The following TBXT variants were observed in gnomAD, a reference collection of about 807,000 sequenced individuals.
TBXT encodes the protein T brachyury transcription factor.
Under a neutral mutation model 41.1 loss-of-function variants are expected in TBXT, and 19 were observed. That is an observed-to-expected ratio of 0.46 (90% confidence interval 0.32 to 0.68). The LOEUF is 0.68. Ranked by LOEUF, TBXT falls within the 30% of genes least tolerant of loss-of-function variation. The probability of loss-of-function intolerance (pLI) is 0.03; values close to 1 mark genes in which losing one functional copy is unlikely to be tolerated. For missense variants in TBXT, 536 were observed against 582.0 expected, an observed-to-expected ratio of 0.92 and a Z score of 0.81; for synonymous variants, 213 against 238.9, an observed-to-expected ratio of 0.89 and a Z score of 1.00.
chr6:166,166,896 G>A, intron 1 of TBXT, 40 bp from the exon 2 acceptor site: 1 of 1,612,170 alleles, frequency 6.2e-7, no homozygotes. Flanking sequence ...CCCCGACACT[G>A]ACCAGGTAGG....
chr6:166,162,489 A>G lies in TBXT; in HGVS notation c.865T>C (p.Ser289Pro). 2 of 1,614,104 alleles carry G rather than the reference A, an allele frequency of 1.2e-6. No homozygotes were observed. Among genetic ancestry groups the G allele is most frequent in the Non-Finnish European group, 1.7e-6 (2 of 1,179,996 alleles). ...RYPTLRSHRS[S>P]PYPSPYAHRN... The stretch of plus-strand genomic sequence containing the variant: ...TGAGCATAGGGGCTGGGGTAGGGTG[A>G]GGACCGGTGGCTCCTCAGGGTTGGG... The change falls in exon 6 of 8, where the codon TCA becomes CCA. Residue 289 changes from serine (S) to proline (P), a missense_variant. Transcript: ENST00000366876.
At chr6:166,166,175 G>C (rs1779103019) in intron 2 of TBXT, among the ~76,000 whole-genome samples, 1 of 152,104 alleles carries the variant, frequency 6.6e-6, no homozygotes, top group South Asian at 2.1e-4. Context: ...GCCTAACCTG[G>C]GGTCTTCCAG....
intron 5 of TBXT, 55 bp downstream of exon 5, chr6:166,164,550 A>G: frequency 6.2e-7 from 1 of 1,601,996 alleles, no homozygotes; most frequent in South Asian, 1.1e-5. Flanking sequence ...CCCAGCTCTC[A>G]GCAAGTCTAG....
rs1582970895 is a variant in TBXT, at chr6:166,166,733, C to T, written c.330G>A (p.Val110=). The change falls in exon 2 of 8, where the codon GTG becomes GTA. Residue 110 remains valine (V), a synonymous_variant. Transcript: ENST00000366876. ...HRWKYVNGEW[V]PGGKPEPQAP... ...CCTGCGGCTCCGGCTTGCCCCCCGGCACCCATTCCCCGTTCACGTACTTCC... is the reference window on the plus strand; with the variant it reads ...CCTGCGGCTCCGGCTTGCCCCCCGGTACCCATTCCCCGTTCACGTACTTCC... 24 of 1,613,818 alleles carry T rather than the reference C, an allele frequency of 1.5e-5. No homozygotes were observed. The East Asian group carries it at 5.1e-4, about 34-fold the overall frequency.
chr6:166,160,583 G>A (rs1778923026), intron 7 of TBXT, among the ~76,000 whole-genome samples: 1 of 152,164 alleles, frequency 6.6e-6, no homozygotes, highest in Non-Finnish European at 1.5e-5. Flanking sequence ...GGATGGGATA[G>A]CGCAGCTCCC....
chr6:166,161,039 A>G, intron 6 of TBXT, 73 bp from the exon 7 acceptor site: 3 of 1,582,494 alleles, frequency 1.9e-6, no homozygotes, highest in South Asian at 1.1e-5. Flanking sequence ...GTGAAATACC[A>G]CCAATAACTG....
chr6:166,163,616 T>C (rs1409670867), intron 5 of TBXT, among the ~76,000 whole-genome samples: 1 of 152,230 alleles, frequency 6.6e-6, no homozygotes, highest in Non-Finnish European at 1.5e-5. Context: ...CTCCCTGATC[T>C]CAAATGATCC....
At chr6:166,167,355 C>A in intron 1 of TBXT, 31 bp downstream of exon 1, 4 of 1,610,376 alleles carry the variant, frequency 2.5e-6, no homozygotes, top group Non-Finnish European at 2.5e-6. Flanking sequence ...CTGGAGAGCG[C>A]GGCGCGCGCG....
At position 166,158,076 on chromosome 6, in the gene TBXT, A is replaced by T; in HGVS notation, c.*239T>A. 1 of 630,184 alleles carries T rather than the reference A, an allele frequency of 1.6e-6. No homozygotes were observed. Among genetic ancestry groups the T allele is most frequent in the Non-Finnish European group, 2.8e-6 (1 of 360,980 alleles). The allele number at this position is 630,184 out of a possible 1,614,324, so 39.0% of individuals were successfully genotyped here. On this transcript the variant is annotated 3_prime_UTR_variant, in exon 8 of 8. Transcript: ENST00000366876. ...GTTGGGCCAACTGCATCATCTCCAC[A>T]GTTGGGTTCATCTGTAAGCCACCTG...
At chr6:166,160,770 G>A in intron 7 of TBXT, 67 bp downstream of exon 7, 1 of 1,606,512 alleles carries the variant, frequency 6.2e-7, no homozygotes. Flanking sequence ...CTATGGGAAT[G>A]GAAACAGCGT....
chr6:166,158,523 A>G lies in TBXT; in HGVS notation c.1103T>C (p.Val368Ala), dbSNP rs1228302981. The G allele has an allele frequency of 1.2e-6, 2 of 1,603,526 alleles. No individual in the cohort carries two copies. Among genetic ancestry groups the G allele is most frequent in the African/African-American group, 1.3e-5 (1 of 74,858 alleles). ...AVTPGSQAAA[V>A]SNGLGAQFFR... ...GAACTGGGCCCCCAGCCCGTTGGAC[A>G]CGGCTGCTGCCTGGGAGCCCGGGGT... is the stretch of plus-strand genomic sequence containing the variant. The change falls in exon 8 of 8, where the codon GTG (valine) becomes GCG (alanine). Residue 368 changes from valine to alanine, a missense_variant. Val to Ala is a moderately conservative substitution (Grantham distance 64, BLOSUM62 0). Transcript: ENST00000366876.
chr6:166,160,687 T>C (rs755305290), intron 7 of TBXT, 150 bp downstream of exon 7: 6 of 1,164,772 alleles, frequency 5.2e-6, no homozygotes, highest in Non-Finnish European at 6.0e-6. Flanking sequence ...TCCCTGGGCA[T>C]AGCTGGCTAA....
rs866762520 is a variant in TBXT, at chr6:166,162,537, A to T, written c.817T>A (p.Ser273Thr). 1.4e-5 allele frequency: 23 copies of T among 1,614,066 alleles called. 1 individual carries two copies. The Middle Eastern group carries it at 3.8e-3, about 266-fold the overall frequency. ...PQFGGALSLP[S>T]THSCDRYPTL... ...GGGTACCTGTCACAGCTGTGCGTGG[A>T]GGGGAGGGAGAGGGCACCTCCAAAC... Residue 273 changes from serine (S) to threonine (T), a missense_variant, in exon 6 of 8, where the codon TCC becomes ACC. Transcript: ENST00000366876.
intron 4 of TBXT, 44 bp from the exon 5 acceptor site, chr6:166,164,710 A>C (rs961537132): frequency 6.2e-7 from 1 of 1,612,356 alleles, no homozygotes; most frequent in Non-Finnish European, 8.5e-7. Context: ...TTTCAAAAAT[A>C]AGGAAATTCA....
At chr6:166,166,964 C>T (rs899129905) in intron 1 of TBXT, 108 bp from the exon 2 acceptor site, 3 of 1,568,170 alleles carry the variant, frequency 1.9e-6, no homozygotes, top group African/African-American at 2.7e-5. Flanking sequence ...GAGGAGCCCC[C>T]TGGGGAACGT....
In TBXT at chr6:166,158,675, G is replaced by A. The variant is rs187896230; in HGVS notation, c.1038-87C>T. The A allele has an allele frequency of 6.1e-5, 85 of 1,389,368 alleles. No homozygotes were observed. The African/African-American group carries it at 9.9e-4, about 16-fold the overall frequency. The allele number at this position is 1,389,368 out of a possible 1,614,324, so 86.1% of individuals were successfully genotyped here. ...GAAAAACACACCAGAAATCCCATTC[G>A]GAGTGACTGTGTAATATGACAGTTT... On this transcript the variant is annotated intron_variant, in intron 7 of 7. Transcript: ENST00000366876.
Position 166,166,876 on chromosome 6 carries a change from C to A in TBXT, c.207-20G>T. 6.2e-7 allele frequency: 1 copy of A among 1,613,118 alleles called. No individual in the cohort carries two copies. The highest frequency in any genetic ancestry group is 1.7e-5 in the Admixed American group (1 of 60,034). On this transcript the variant is annotated intron_variant, in intron 1 of 7. Coordinates refer to ENST00000366876, the MANE Select transcript of TBXT (RefSeq NM_001366285.2). ...ATCCTCCTGGAAAACACGGGGCGGG[C>A]GCAGGAGGACCCCGACACTGACCAG...
intron 2 of TBXT, 89 bp from the exon 3 acceptor site, chr6:166,165,929 C>A (rs941124094): frequency 6.3e-7 from 1 of 1,589,256 alleles, no homozygotes; most frequent in African/African-American, 1.3e-5. Flanking sequence ...AGAAAGTCCT[C>A]TGGATCCCAA....
chr6:166,166,402 C>A (rs1012179412), intron 2 of TBXT, among the ~76,000 whole-genome samples, 190 bp downstream of exon 2: 1 of 152,228 alleles, frequency 6.6e-6, no homozygotes, highest in South Asian at 2.1e-4. Context: ...GCTCCCCGTT[C>A]GCCAGGCGTG....
Sources: allele counts gnomAD v4.1 joint callset (sites outside exome capture counted in the v4.1 genomes callset), GRCh38; gene constraint gnomAD v4.1.1; transcripts MANE v1.5; gene names NCBI Gene and HGNC (gene_info 2026-07-23, HGNC 2026-07-21).